Variants in ATF7IP observed in about 807,000 individuals in gnomAD.
The protein encoded by ATF7IP is activating transcription factor 7 interacting protein.
ATF7IP carries 23 observed loss-of-function variants against 106.4 expected under a neutral mutation model. That is an observed-to-expected ratio of 0.22 (90% confidence interval 0.16 to 0.31). The LOEUF (loss-of-function observed/expected upper bound fraction) is 0.31. ATF7IP is among the 10% of genes least tolerant of loss of function. The pLI, the probability that ATF7IP is intolerant of heterozygous loss-of-function variation, is 1.00. For synonymous variants in ATF7IP, 542 were observed against 539.0 expected (o/e 1.01, Z -0.08); for missense variants, 1,334 against 1,524.3 (o/e 0.88, Z 2.08).
intron 6 of ATF7IP, among the ~76,000 whole-genome samples, chr12:14,452,722 C>A (rs1334406944): frequency 6.6e-6 from 1 of 151,802 alleles, no homozygotes; most frequent in Non-Finnish European, 1.5e-5. Flanking sequence ...AAGTTCTATA[C>A]CAGAATTAAA....
At chr12:14,438,426 T>C (rs900538895) in intron 5 of ATF7IP, among the ~76,000 whole-genome samples, 159 bp downstream of exon 5, 2 of 152,194 alleles carry the variant, frequency 1.3e-5, no homozygotes, top group African/African-American at 4.8e-5. Flanking sequence ...GTAAAGAAAG[T>C]GCAATAAACT....
intron 13 of ATF7IP, among the ~76,000 whole-genome samples, chr12:14,483,710 C>G (rs1944499998): frequency 6.6e-6 from 1 of 152,072 alleles, no homozygotes; most frequent in Non-Finnish European, 1.5e-5. Flanking sequence ...TGATTCAGAG[C>G]ATACACGGCC....
At chr12:14,423,328 G>A (rs1242444926) in intron 1 of ATF7IP, among the ~76,000 whole-genome samples, 1 of 151,464 alleles carries the variant, frequency 6.6e-6, no homozygotes, top group East Asian at 1.9e-4. Context: ...TTCTAGATTC[G>A]AGATAAAAGT....
chr12:14,488,900 A>G (rs1944716662), intron 13 of ATF7IP, among the ~76,000 whole-genome samples: 1 of 152,244 alleles, frequency 6.6e-6, no homozygotes, highest in Non-Finnish European at 1.5e-5. Flanking sequence ...TGTTTGTACA[A>G]GTGCATACAT....
At chr12:14,490,874 C>T (rs1365690164) in intron 13 of ATF7IP, among the ~76,000 whole-genome samples, 1 of 152,194 alleles carries the variant, frequency 6.6e-6, no homozygotes, top group Non-Finnish European at 1.5e-5. Context: ...CTAAGTGGGT[C>T]AGAAAGCACC....
intron 1 of ATF7IP, among the ~76,000 whole-genome samples, chr12:14,386,903 A>G (rs1369463614): frequency 6.6e-6 from 1 of 152,196 alleles, no homozygotes; most frequent in Non-Finnish European, 1.5e-5. Flanking sequence ...TATAAGATCT[A>G]TATGTACATG....
chr12:14,376,801 AT>A (rs1938754117), intron 1 of ATF7IP, among the ~76,000 whole-genome samples: 1 of 152,106 alleles, frequency 6.6e-6, no homozygotes, highest in African/African-American at 2.4e-5. Context: ...TGATTTCTAT[AT>A]TTAAGATGCA....
chr12:14,488,264 TA>T (rs1944692991), intron 13 of ATF7IP, among the ~76,000 whole-genome samples: 1 of 152,042 alleles, frequency 6.6e-6, no homozygotes, highest in African/African-American at 2.4e-5. Context: ...ATCTATAGTA[TA>T]AAGAGTAGTT....
At chr12:14,484,336 T>C (rs1944521212) in intron 13 of ATF7IP, among the ~76,000 whole-genome samples, 1 of 152,084 alleles carries the variant, frequency 6.6e-6, no homozygotes, top group South Asian at 2.1e-4. Context: ...ACAGAACAGG[T>C]CATCCTATCC....
chr12:14,447,687 C>G (rs935270374), intron 6 of ATF7IP, among the ~76,000 whole-genome samples: 1 of 152,060 alleles, frequency 6.6e-6, no homozygotes, highest in African/African-American at 2.4e-5. Flanking sequence ...TTGTCAGATT[C>G]CCAGTATGGT....
At chr12:14,407,967 T>C (rs1313078221) in intron 1 of ATF7IP, among the ~76,000 whole-genome samples, 1 of 152,172 alleles carries the variant, frequency 6.6e-6, no homozygotes, top group Non-Finnish European at 1.5e-5. Flanking sequence ...GATTGACTCA[T>C]AAACTTGCAG....
chr12:14,492,661 C>T (rs554324391), intron 13 of ATF7IP, among the ~76,000 whole-genome samples: 4 of 152,258 alleles, frequency 2.6e-5, no homozygotes, highest in African/African-American at 9.6e-5. Flanking sequence ...TTAGCCAATG[C>T]CAGAGATCTA....
Position 14,481,180 on chromosome 12 carries a change from A to G in ATF7IP, c.3275A>G (p.Gln1092Arg), listed in dbSNP as rs1377093921. ...CCTGCTGTTCGGCAGGTCAATCCCC[A>G]AAATAGTAAGAGATTTTTCTTGTAT... ...QAPAVRQVNP[Q>R]NSVTVRVPQT... Residue 1092 changes from glutamine (Q) to arginine (R), a missense_variant, in exon 13 of 15, where the codon CAA becomes CGA. This residue lies in a region of ATF7IP where 370 missense variants were observed against 401.2 expected (regional missense o/e 0.92). Coordinates refer to ENST00000261168, the MANE Select transcript of ATF7IP (RefSeq NM_018179.5). 6.2e-7 allele frequency: 1 copy of G among 1,613,648 alleles called. No homozygotes were observed. The highest frequency in any genetic ancestry group is 2.2e-5 in the East Asian group (1 of 44,866).
chr12:14,382,105 TGA>T (rs1395025635), intron 1 of ATF7IP, among the ~76,000 whole-genome samples: 3 of 152,288 alleles, frequency 2.0e-5, no homozygotes, highest in African/African-American at 7.2e-5. Context: ...GAGGCTGAAG[TGA>T]GAGAGTCTCG....
intron 1 of ATF7IP, among the ~76,000 whole-genome samples, chr12:14,394,054 T>A (rs952818120): frequency 3.9e-5 from 6 of 152,200 alleles, no homozygotes; most frequent in African/African-American, 1.4e-4. Context: ...TATTAACTAG[T>A]GGTAAATGTG....
At chr12:14,416,909 A>T in intron 1 of ATF7IP, 1 of 985,204 alleles carries the variant, frequency 1.0e-6, no homozygotes. Context: ...TGGGGAGATT[A>T]TATAAACTAA....
intron 1 of ATF7IP, chr12:14,416,779 G>T (rs999284936): frequency 5.8e-5 from 18 of 309,396 alleles, no homozygotes; most frequent in Admixed American, 5.2e-4. Context: ...GCTGGGCAAG[G>T]TTTGTGACAC....
chr12:14,397,771 C>A (rs1465698185), intron 1 of ATF7IP, among the ~76,000 whole-genome samples: 1 of 152,026 alleles, frequency 6.6e-6, no homozygotes, highest in Non-Finnish European at 1.5e-5. Context: ...ACTTACTGTT[C>A]CAGAGCATTC....
At chr12:14,464,194 C>T (rs141269448) in intron 9 of ATF7IP, among the ~76,000 whole-genome samples, 65 of 152,190 alleles carry the variant, frequency 4.3e-4, no homozygotes, top group African/African-American at 1.5e-3. Flanking sequence ...TGCCTGCAGT[C>T]CCAGCTACCC....
Sources: gnomAD v4.1 joint callset for allele counts (sites outside exome capture counted in the v4.1 genomes callset) on GRCh38, gnomAD v4.1.1 for gene constraint, gnomAD v4.1.1 regional missense constraint, MANE v1.5 for transcripts, NCBI Gene and HGNC (gene_info 2026-07-23, HGNC 2026-07-21) for gene names.